Variants in KLHL1 observed in about 807,000 individuals in gnomAD.
KLHL1 encodes kelch like family member 1, also known as kelch-like protein 1.
A neutral mutation model predicts 77.7 loss-of-function variants in KLHL1; 47 were observed. The ratio of observed to expected loss-of-function variants is 0.60; its 90% CI spans 0.48 to 0.77. KLHL1 has a LOEUF of 0.77. KLHL1 is among the 30% of genes least tolerant of loss of function. KLHL1 has a pLI of 0.00. For missense variants in KLHL1, 925 were observed against 910.8 expected (o/e 1.02, Z -0.20); for synonymous variants, 360 against 325.2 (o/e 1.11, Z -1.15).
chr13:70,016,407 G>C (rs921643288), intron 1 of KLHL1, among the ~76,000 whole-genome samples: 4 of 152,208 alleles, frequency 2.6e-5, no homozygotes, highest in African/African-American at 9.6e-5. Flanking sequence ...ACTCTTGGGG[G>C]CCCAGGAAGA....
intron 7 of KLHL1, among the ~76,000 whole-genome samples, chr13:69,751,592 A>C (rs1184463353): frequency 6.6e-6 from 1 of 152,110 alleles, no homozygotes; most frequent in Non-Finnish European, 1.5e-5. Context: ...GTGGCAAGAA[A>C]ACTGGAGAGT....
intron 7 of KLHL1, among the ~76,000 whole-genome samples, chr13:69,762,054 G>C (rs1441192480): frequency 6.6e-6 from 1 of 152,128 alleles, no homozygotes; most frequent in African/African-American, 2.4e-5. Context: ...TTTTCTGGTT[G>C]TTTAGAAACT....
chr13:69,743,146 A>C (rs1209792091), intron 7 of KLHL1, among the ~76,000 whole-genome samples: 2 of 152,188 alleles, frequency 1.3e-5, no homozygotes, highest in South Asian at 2.1e-4. Flanking sequence ...TATGATATCT[A>C]TCTGAAAGGA....
At chr13:70,010,123 A>G (rs1277900383) in intron 1 of KLHL1, among the ~76,000 whole-genome samples, 1 of 152,174 alleles carries the variant, frequency 6.6e-6, no homozygotes, top group Non-Finnish European at 1.5e-5. Context: ...AGTGCAATAG[A>G]AGATAAAGTC....
At chr13:70,102,194 G>A (rs896946031) in intron 1 of KLHL1, among the ~76,000 whole-genome samples, 13 of 152,178 alleles carry the variant, frequency 8.5e-5, no homozygotes, top group African/African-American at 2.6e-4. Flanking sequence ...TAATCTCCAT[G>A]AGATTTTTAA....
Position 69,741,849 on chromosome 13 carries a change from A to G in KLHL1, c.1640-1293T>C, listed in dbSNP as rs189428299. On this transcript the variant is annotated intron_variant, in intron 7 of 10. Coordinates refer to ENST00000377844, the MANE Select transcript of KLHL1 (RefSeq NM_020866.3). ...TGAAATTTAGTCATTAAGATATTCTATCTCCCAGACTCCTGAAAGTATAGG... is the reference window on the plus strand; with the variant it reads ...TGAAATTTAGTCATTAAGATATTCTGTCTCCCAGACTCCTGAAAGTATAGG... Among the ~76,000 whole-genome samples the G allele has an allele frequency of 3.5e-3, 535 of 152,264 alleles. 3 individuals carry two copies. The highest frequency in any genetic ancestry group is 6.1e-3 in the Admixed American group (93 of 15,264).
chr13:69,754,459 T>C (rs1874620801), intron 7 of KLHL1, among the ~76,000 whole-genome samples: 1 of 152,156 alleles, frequency 6.6e-6, no homozygotes, highest in Non-Finnish European at 1.5e-5. Context: ...TGAAGCTCAA[T>C]AAATTTTGGC....
chr13:70,024,522 G>T (rs976103775), intron 1 of KLHL1, among the ~76,000 whole-genome samples: 1 of 151,648 alleles, frequency 6.6e-6, no homozygotes, highest in Non-Finnish European at 1.5e-5. Flanking sequence ...TCTCCTCAAC[G>T]TAAGTTTTTT....
At chr13:69,990,405 T>C (rs957326901) in intron 1 of KLHL1, among the ~76,000 whole-genome samples, 1 of 151,998 alleles carries the variant, frequency 6.6e-6, no homozygotes, top group African/African-American at 2.4e-5. Flanking sequence ...GAGCCAGGGG[T>C]ATGGTGTCTT....
At chr13:70,028,113 G>A (rs1350145769) in intron 1 of KLHL1, among the ~76,000 whole-genome samples, 4 of 152,160 alleles carry the variant, frequency 2.6e-5, no homozygotes, top group Admixed American at 2.6e-4. Flanking sequence ...AAAGGGGTAG[G>A]AAATAATCCA....
chr13:69,899,197 G>C (rs1267927292), intron 4 of KLHL1, among the ~76,000 whole-genome samples: 2 of 152,082 alleles, frequency 1.3e-5, no homozygotes, highest in Non-Finnish European at 2.9e-5. Context: ...GATTCGACTC[G>C]ATTTGTTGCA....
intron 9 of KLHL1, among the ~76,000 whole-genome samples, chr13:69,710,057 A>G (rs956898773): frequency 4.0e-5 from 6 of 151,600 alleles, no homozygotes; most frequent in Admixed American, 6.6e-5. Context: ...GCAAATATAT[A>G]CTTTTTTATA....
intron 1 of KLHL1, among the ~76,000 whole-genome samples, chr13:70,055,690 GT>G (rs1172743999): frequency 1.3e-5 from 2 of 152,172 alleles, no homozygotes; most frequent in Non-Finnish European, 2.9e-5. Flanking sequence ...AAAGTGTAGA[GT>G]TTTTAACAGT....
intron 8 of KLHL1, among the ~76,000 whole-genome samples, chr13:69,721,559 A>G (rs1023766396): frequency 6.6e-6 from 1 of 152,120 alleles, no homozygotes; most frequent in East Asian, 1.9e-4. Flanking sequence ...ACTTAAATCT[A>G]TAATATTCAA....
At chr13:69,780,261 T>A (rs1019961787) in intron 7 of KLHL1, among the ~76,000 whole-genome samples, 1 of 152,188 alleles carries the variant, frequency 6.6e-6, no homozygotes, top group Non-Finnish European at 1.5e-5. Context: ...TCCTTTTTGT[T>A]GTTTTCACTG....
At chr13:69,767,893 A>G (rs992409003) in intron 7 of KLHL1, among the ~76,000 whole-genome samples, 9 of 152,212 alleles carry the variant, frequency 5.9e-5, no homozygotes, top group African/African-American at 2.2e-4. Flanking sequence ...AGAAAATACT[A>G]AAGAGAAAAT....
intron 3 of KLHL1, among the ~76,000 whole-genome samples, chr13:69,940,624 A>G (rs1883335396): frequency 6.6e-6 from 1 of 152,056 alleles, no homozygotes; most frequent in African/African-American, 2.4e-5. Flanking sequence ...AATATAAAAT[A>G]TCTATTTGTG....
intron 1 of KLHL1, 33 bp from the exon 2 acceptor site, chr13:69,975,835 A>C (rs764077075): frequency 3.4e-5 from 51 of 1,481,754 alleles, no homozygotes; most frequent in East Asian, 2.7e-4. Flanking sequence ...CACACACACA[A>C]AATAATAAAG....
At chr13:70,087,012 G>C (rs1359060125) in intron 1 of KLHL1, among the ~76,000 whole-genome samples, 1 of 152,118 alleles carries the variant, frequency 6.6e-6, no homozygotes, top group Non-Finnish European at 1.5e-5. Context: ...TGATTTGTGT[G>C]AATCATGGAC....
Sources: gnomAD v4.1 joint callset for allele counts (sites outside exome capture counted in the v4.1 genomes callset) on GRCh38, gnomAD v4.1.1 for gene constraint, MANE v1.5 for transcripts, NCBI Gene and HGNC (gene_info 2026-07-23, HGNC 2026-07-21) for gene names.